The following HYDIN variants were observed in gnomAD, a reference collection of about 807,000 sequenced individuals.
HYDIN encodes axonemal central pair apparatus protein HYDIN.
In HYDIN, 132 loss-of-function variants were observed where a neutral mutation model predicts 403.9. The observed-to-expected ratio is 0.33, with a 90% confidence interval of 0.28 to 0.38. HYDIN has a LOEUF of 0.38. Among genes scored for constraint, HYDIN ranks in the 10% least tolerant of loss-of-function variants. HYDIN has a pLI of 1.00. For synonymous variants in HYDIN, 1,202 were observed against 1,891.7 expected (o/e 0.64, Z 9.46); for missense variants, 2,827 against 5,009.5 (o/e 0.56, Z 13.15).
At chr16:71,070,943 T>C (rs1271537898) in intron 13 of HYDIN, among the ~76,000 whole-genome samples, 2 of 151,734 alleles carry the variant, frequency 1.3e-5, no homozygotes, top group East Asian at 1.9e-4. Context: ...TTGGAAGATA[T>C]CTTTCATGGA....
chr16:71,177,993 C>T (rs1215829590), intron 4 of HYDIN, among the ~76,000 whole-genome samples: 1 of 151,982 alleles, frequency 6.6e-6, no homozygotes, highest in Non-Finnish European at 1.5e-5. Context: ...TGACTGTAGA[C>T]AAACTTTGAA....
At chr16:70,923,830 A>G (rs572078156) in intron 45 of HYDIN, among the ~76,000 whole-genome samples, 149 of 146,456 alleles carry the variant, frequency 1.0e-3, no homozygotes, top group Middle Eastern at 3.5e-3. Flanking sequence ...CAAAAAAAAA[A>G]AAAAAAAGAA....
chr16:70,990,852 T>C (rs1798500), intron 25 of HYDIN, among the ~76,000 whole-genome samples: 70,852 of 152,068 alleles, frequency 0.47, 18,468 homozygotes, highest in African/African-American at 0.68. Context: ...CTACCCACAC[T>C]GTAGGAAAAT....
chr16:70,802,432 A>T lies in HYDIN; in HGVS notation c.*5148T>A, dbSNP rs2034920119. 6.6e-6 allele frequency: 1 copy of T among 152,266 alleles called. No individual in the cohort carries two copies. Among genetic ancestry groups the T allele is most frequent in the African/African-American group, 2.4e-5 (1 of 41,468 alleles). 9.4% of individuals were successfully genotyped at this position (152,266 alleles called of 1,614,324 possible). A position where few individuals can be genotyped will look rare whatever the true frequency, so the allele number is the denominator to read the frequency against. ...AACTTGAGTCGGCCTGACCGAATCA[A>T]GTGAGTACTTAAAAGAGATTAGAAG... On this transcript the variant is annotated 3_prime_UTR_variant, in exon 86 of 86. Coordinates refer to ENST00000393567, the MANE Select transcript of HYDIN (RefSeq NM_001270974.2).
intron 77 of HYDIN, among the ~76,000 whole-genome samples, chr16:70,836,450 G>T (rs987088069): frequency 6.6e-6 from 1 of 152,258 alleles, no homozygotes. Flanking sequence ...GCTTCTTTAC[G>T]GAGAATGGGC....
intron 13 of HYDIN, among the ~76,000 whole-genome samples, chr16:71,073,952 C>A (rs2082549766): frequency 6.6e-6 from 1 of 152,204 alleles, no homozygotes; most frequent in Non-Finnish European, 1.5e-5. Context: ...ATTTTAGAAA[C>A]CAACATATAG....
chr16:70,850,161 T>C (rs542106399), intron 74 of HYDIN, among the ~76,000 whole-genome samples: 33 of 152,116 alleles, frequency 2.2e-4, no homozygotes, highest in African/African-American at 8.0e-4. Flanking sequence ...AAAGTGGCAA[T>C]TTAGTTCTTA....
At chr16:71,027,339 A>C (rs995238868) in intron 20 of HYDIN, 22 of 1,367,180 alleles carry the variant, frequency 1.6e-5, no homozygotes, top group Non-Finnish European at 2.1e-5. Flanking sequence ...TCTACCAGAG[A>C]CTTGCTGGCT....
At chr16:70,974,812 A>G in intron 31 of HYDIN, 142 bp from the exon 32 acceptor site, 1 of 749,072 alleles carries the variant, frequency 1.3e-6, no homozygotes, top group East Asian at 2.7e-5. Context: ...GGCTACCCAA[A>G]TGGAGACTAG....
rs564645293 is a variant in HYDIN at position 71,000,737 on chromosome 16, G to A, written c.3645-8527C>T. On this transcript the variant is annotated intron_variant, in intron 23 of 85. Transcript: ENST00000393567. ...GCCTCAGTGGGTAATTTGACCCCCCGGTCAGATAAATTAGCTGACCCACCG... is the reference window on the plus strand; with the variant it reads ...GCCTCAGTGGGTAATTTGACCCCCCAGTCAGATAAATTAGCTGACCCACCG... Among the ~76,000 whole-genome samples the A allele has an allele frequency of 7.3e-5, 11 of 151,578 alleles. No individual in the cohort carries two copies. In the East Asian group the frequency reaches 2.2e-3, roughly 30 times the overall value.
Position 71,216,519 on chromosome 16 carries a change from A to G in HYDIN, c.-24+14043T>C, listed in dbSNP as rs921937786. ...CTCTGAGGTGGGGAAGAGGAGGGCTATGATGGAGAAGGATTCCAGGATACC... is the reference window on the plus strand; with the variant it reads ...CTCTGAGGTGGGGAAGAGGAGGGCTGTGATGGAGAAGGATTCCAGGATACC... On this transcript the variant is annotated intron_variant, in intron 1 of 85. Transcript: ENST00000393567. Among the ~76,000 whole-genome samples the G allele has an allele frequency of 9.9e-5, 15 of 152,208 alleles. No individual in the cohort carries two copies. The South Asian group carries it at 2.5e-3, about 25-fold the overall frequency.
chr16:70,988,985 T>C (rs1293276032), intron 25 of HYDIN, among the ~76,000 whole-genome samples: 3 of 152,078 alleles, frequency 2.0e-5, no homozygotes, highest in East Asian at 1.9e-4. Context: ...AGAAAGAAGA[T>C]GGGAATTTTG....
At chr16:70,931,997 C>T (rs1313507785) in intron 45 of HYDIN, among the ~76,000 whole-genome samples, 1 of 97,038 alleles carries the variant, frequency 1.0e-5, no homozygotes, top group African/African-American at 4.1e-5. Flanking sequence ...GGCGACAGAG[C>T]GAGACTTGTA....
At position 70,975,152 on chromosome 16, in the gene HYDIN, G is replaced by A. The variant is rs773227388; in HGVS notation, c.4756C>T (p.Arg1586Cys). 2.1e-5 allele frequency: 11 copies of A among 525,020 alleles called. No homozygotes were observed. The highest frequency in any genetic ancestry group is 3.3e-5 in the Non-Finnish European group (10 of 303,832). The allele number at this position is 525,020 out of a possible 1,614,324, so 32.5% of individuals were successfully genotyped here. ...ACCACTCACTTGGCCAGTTTGCGGC[G>A]ACTCCGATGGCTGAAGCAGGGGTCA... ...MDDPCFSHRS[R>C]RKLAKIQLPE... The change falls in exon 31 of 86, where the codon CGC becomes TGC. Residue 1586 changes from arginine (R) to cysteine (C), a missense_variant. By Grantham distance (180) the Arg-to-Cys change is radical (BLOSUM62 -3). Coordinates refer to ENST00000393567, the MANE Select transcript of HYDIN (RefSeq NM_001270974.2).
At chr16:71,003,722 C>A (rs1183239858) in intron 23 of HYDIN, among the ~76,000 whole-genome samples, 1 of 151,818 alleles carries the variant, frequency 6.6e-6, no homozygotes, top group Non-Finnish European at 1.5e-5. Context: ...TTGCTAGAAC[C>A]CAGGAGGCGG....
chr16:70,855,985 C>A (rs2038999312), intron 72 of HYDIN, among the ~76,000 whole-genome samples: 1 of 151,684 alleles, frequency 6.6e-6, no homozygotes, highest in Non-Finnish European at 1.5e-5. Flanking sequence ...CTAATTGGAA[C>A]TTGATTAAAT....
chr16:70,982,691 GCTGCTCCATCCTTTTT>G (rs1431800054), intron 28 of HYDIN, among the ~76,000 whole-genome samples: 2 of 148,448 alleles, frequency 1.3e-5, no homozygotes, highest in African/African-American at 5.1e-5. Flanking sequence ...TACATCTAGA[GCTGCTCCATCCTTTTT>G]AGTTGCTACA....
In HYDIN at chr16:71,024,326, C is replaced by T. The variant is rs546779060; in HGVS notation, c.3186+1057G>A. Reference sequence around the variant, plus strand: ...TCATGTGAGCTAGTCCCTCTGCCTACAATTCTCTCCCCCTCCCTTGTCACC... The same window carrying T: ...TCATGTGAGCTAGTCCCTCTGCCTATAATTCTCTCCCCCTCCCTTGTCACC... On this transcript the variant is annotated intron_variant, in intron 21 of 85. Coordinates refer to ENST00000393567, the MANE Select transcript of HYDIN (RefSeq NM_001270974.2). 7.9e-4 allele frequency among the ~76,000 whole-genome samples: 121 copies of T among 152,308 alleles called. 1 individual carries two copies. The highest frequency in any genetic ancestry group is 1.5e-3 in the Non-Finnish European group (100 of 68,032).
intron 6 of HYDIN, among the ~76,000 whole-genome samples, chr16:71,161,648 A>G (rs1181287625): frequency 6.6e-6 from 1 of 152,060 alleles, no homozygotes; most frequent in Non-Finnish European, 1.5e-5. Context: ...TCTATTTTTA[A>G]AAGCCCTTGT....
Sources: gnomAD v4.1 joint callset for allele counts (sites outside exome capture counted in the v4.1 genomes callset) on GRCh38, gnomAD v4.1.1 for gene constraint, MANE v1.5 for transcripts, NCBI Gene and HGNC (gene_info 2026-07-23, HGNC 2026-07-21) for gene names.